The following LDLRAD3 variants were observed in gnomAD, a reference collection of about 807,000 sequenced individuals.
The protein encoded by LDLRAD3 is low-density lipoprotein receptor class A domain-containing protein 3.
A neutral mutation model predicts 29.4 loss-of-function variants in LDLRAD3; 20 were observed. The ratio of observed to expected loss-of-function variants is 0.68; its 90% CI spans 0.48 to 0.99. The LOEUF (loss-of-function observed/expected upper bound fraction) is 0.99, where lower values mean the gene tolerates loss of function less well. Among genes scored for constraint, LDLRAD3 ranks in the 50% least tolerant of loss-of-function variants. The pLI is 0.00. For synonymous variants in LDLRAD3, 157 were observed against 192.7 expected, an observed-to-expected ratio of 0.81 and a Z score of 1.53; for missense variants, 420 against 454.3, an observed-to-expected ratio of 0.92 and a Z score of 0.69.
intron 2 of LDLRAD3, among the ~76,000 whole-genome samples, chr11:36,060,446 G>A (rs942893963): frequency 1.3e-5 from 2 of 151,668 alleles, no homozygotes; most frequent in African/African-American, 4.8e-5. Flanking sequence ...TTTAACTTAA[G>A]TGGTCCAACT....
At chr11:35,981,016 T>C (rs1463691875) in intron 1 of LDLRAD3, among the ~76,000 whole-genome samples, 4 of 152,158 alleles carry the variant, frequency 2.6e-5, no homozygotes, top group Non-Finnish European at 5.9e-5. Flanking sequence ...CTTCCTCGTT[T>C]GGATTTTGGT....
intron 1 of LDLRAD3, among the ~76,000 whole-genome samples, chr11:35,959,584 T>A (rs908536465): frequency 2.0e-5 from 3 of 152,176 alleles, no homozygotes; most frequent in Non-Finnish European, 2.9e-5. Context: ...TATAGATTTA[T>A]CAGATTTTTA....
intron 2 of LDLRAD3, among the ~76,000 whole-genome samples, chr11:36,052,875 A>G (rs1422747860): frequency 6.6e-6 from 1 of 152,168 alleles, no homozygotes; most frequent in Non-Finnish European, 1.5e-5. Flanking sequence ...AATGCTGCCC[A>G]GGTCCTAGAA....
intron 2 of LDLRAD3, 44 bp downstream of exon 2, chr11:36,036,293 T>C (rs1852303992): frequency 1.2e-6 from 2 of 1,611,998 alleles, no homozygotes; most frequent in Non-Finnish European, 1.7e-6. Flanking sequence ...GCAGCCATCC[T>C]GGGGCAGAGG....
intron 4 of LDLRAD3, among the ~76,000 whole-genome samples, chr11:36,217,764 G>C (rs1855371797): frequency 6.6e-6 from 1 of 151,616 alleles, no homozygotes; most frequent in African/African-American, 2.4e-5. Flanking sequence ...GGGGCCGCTG[G>C]CAATTCTTGG....
At chr11:36,161,404 T>C (rs941999969) in intron 4 of LDLRAD3, among the ~76,000 whole-genome samples, 2 of 152,164 alleles carry the variant, frequency 1.3e-5, no homozygotes, top group Non-Finnish European at 2.9e-5. Flanking sequence ...CAGGGTGAGA[T>C]ACAAACTTTT....
chr11:36,015,293 C>T (rs1282668283), intron 1 of LDLRAD3, among the ~76,000 whole-genome samples: 1 of 149,522 alleles, frequency 6.7e-6, no homozygotes, highest in Non-Finnish European at 1.5e-5. Context: ...AAAATAAATC[C>T]GGGACATGCC....
intron 4 of LDLRAD3, among the ~76,000 whole-genome samples, chr11:36,201,585 G>C (rs1450980661): frequency 6.6e-6 from 1 of 152,186 alleles, no homozygotes; most frequent in Non-Finnish European, 1.5e-5. Context: ...GAAAGATGGG[G>C]AGCACGGAAT....
At chr11:35,989,886 GC>G (rs1233957545) in intron 1 of LDLRAD3, among the ~76,000 whole-genome samples, 3 of 152,112 alleles carry the variant, frequency 2.0e-5, no homozygotes, top group African/African-American at 7.2e-5. Flanking sequence ...CTATTTGGAT[GC>G]CCTTCCTTTC....
intron 4 of LDLRAD3, among the ~76,000 whole-genome samples, chr11:36,215,549 T>G (rs1247578862): frequency 6.6e-6 from 1 of 152,080 alleles, no homozygotes; most frequent in Non-Finnish European, 1.5e-5. Context: ...TGCTCCCCTT[T>G]CGGGCATGCT....
At chr11:36,100,348 T>C (rs956653222) in intron 4 of LDLRAD3, among the ~76,000 whole-genome samples, 11 of 152,218 alleles carry the variant, frequency 7.2e-5, no homozygotes, top group Admixed American at 7.2e-4. Flanking sequence ...TTGCCAGTGA[T>C]GGACACCAAA....
At chr11:36,187,380 A>G (rs1854867151) in intron 4 of LDLRAD3, among the ~76,000 whole-genome samples, 1 of 152,186 alleles carries the variant, frequency 6.6e-6, no homozygotes, top group African/African-American at 2.4e-5. Flanking sequence ...AAATATATAG[A>G]TGTGTAGATA....
At chr11:36,143,743 C>T (rs950232201) in intron 4 of LDLRAD3, among the ~76,000 whole-genome samples, 3 of 152,300 alleles carry the variant, frequency 2.0e-5, no homozygotes, top group South Asian at 2.1e-4. Context: ...TCTCCCAGCA[C>T]CCCTTTTTTT....
chr11:35,960,665 C>T (rs10836473), intron 1 of LDLRAD3, among the ~76,000 whole-genome samples: 54,897 of 152,082 alleles, frequency 0.36, 10,190 homozygotes, highest in East Asian at 0.58. Flanking sequence ...GGCGCGATCT[C>T]GGCTCACTGC....
intron 1 of LDLRAD3, among the ~76,000 whole-genome samples, chr11:35,946,222 C>T (rs1325356521): frequency 1.3e-5 from 2 of 152,176 alleles, no homozygotes; most frequent in Admixed American, 6.5e-5. Flanking sequence ...AGACCCTACC[C>T]CTCCATCCCA....
At chr11:35,980,757 A>G (rs1851530292) in intron 1 of LDLRAD3, among the ~76,000 whole-genome samples, 1 of 152,248 alleles carries the variant, frequency 6.6e-6, no homozygotes, top group Non-Finnish European at 1.5e-5. Context: ...CATGAATGAA[A>G]TACAGATATA....
chr11:36,050,889 G>A lies in LDLRAD3; in HGVS notation c.193+14640G>A, dbSNP rs769920745. On this transcript the variant is annotated intron_variant, in intron 2 of 5. Coordinates refer to ENST00000315571, the MANE Select transcript of LDLRAD3 (RefSeq NM_174902.4). ...GATTTGGTGTTTGGTGAGGGCTCGC[G>A]TCCTGGTTTGTGGACAGCCGTCTTC... Among the ~76,000 whole-genome samples, 22 of 152,304 alleles carry A rather than the reference G, an allele frequency of 1.4e-4. No individual in the cohort carries two copies. The South Asian group carries it at 1.9e-3, about 13-fold the overall frequency.
intron 4 of LDLRAD3, among the ~76,000 whole-genome samples, chr11:36,203,381 C>T (rs1408966158): frequency 1.3e-5 from 2 of 152,216 alleles, no homozygotes; most frequent in African/African-American, 4.8e-5. Flanking sequence ...GTTTAAGTAA[C>T]TTGCCACAGT....
chr11:36,102,680 A>G (rs913478242), intron 4 of LDLRAD3, among the ~76,000 whole-genome samples: 26 of 152,176 alleles, frequency 1.7e-4, no homozygotes, highest in Admixed American at 1.3e-3. Context: ...CTGAATTTTA[A>G]TTGGGGCTTC....
Sources: gnomAD v4.1 joint callset for allele counts (sites outside exome capture counted in the v4.1 genomes callset) on GRCh38, gnomAD v4.1.1 for gene constraint, MANE v1.5 for transcripts, NCBI Gene and HGNC (gene_info 2026-07-23, HGNC 2026-07-21) for gene names.